DNM3: variants seen among roughly 807,000 people sequenced by gnomAD.
DNM3 encodes dynamin 3.
A neutral mutation model predicts 101.6 loss-of-function variants in DNM3; 47 were observed. The ratio of observed to expected loss-of-function variants is 0.46; its 90% CI spans 0.37 to 0.59. DNM3 has a LOEUF of 0.59. DNM3 is among the 20% of genes least tolerant of loss of function. The probability of loss-of-function intolerance (pLI) is 0.00; values close to 1 mark genes in which losing one functional copy is unlikely to be tolerated. For synonymous variants in DNM3, 385 were observed against 387.9 expected (o/e 0.99, Z 0.09); for missense variants, 849 against 1,085.7 (o/e 0.78, Z 3.06).
intron 1 of DNM3, among the ~76,000 whole-genome samples, chr1:171,901,104 C>A (rs1201030119): frequency 1.3e-5 from 1 of 78,990 alleles, no homozygotes; most frequent in Non-Finnish European, 2.4e-5. Context: ...CAGAGCGAGA[C>A]TCTGTCTCAA....
chr1:172,081,283 A>G (rs1007798529), intron 11 of DNM3, among the ~76,000 whole-genome samples: 17 of 152,120 alleles, frequency 1.1e-4, no homozygotes, highest in African/African-American at 3.1e-4. Flanking sequence ...TTTGGATTCA[A>G]TGATTTATTT....
At chr1:172,238,943 G>A (rs530159835) in intron 14 of DNM3, among the ~76,000 whole-genome samples, 28 of 152,230 alleles carry the variant, frequency 1.8e-4, no homozygotes, top group African/African-American at 5.8e-4. Flanking sequence ...CTCTAATTGC[G>A]GAATTTTCAA....
chr1:172,134,423 A>G (rs1161788655), intron 14 of DNM3, among the ~76,000 whole-genome samples: 1 of 152,158 alleles, frequency 6.6e-6, no homozygotes, highest in African/African-American at 2.4e-5. Context: ...ATAGTTATTG[A>G]GTATTTATAG....
At chr1:172,120,413 A>G (rs906822971) in intron 13 of DNM3, among the ~76,000 whole-genome samples, 1 of 152,164 alleles carries the variant, frequency 6.6e-6, no homozygotes, top group Non-Finnish European at 1.5e-5. Flanking sequence ...ACAATTCAAG[A>G]TGAAATTTGC....
intron 14 of DNM3, among the ~76,000 whole-genome samples, chr1:172,218,125 C>G (rs554506542): frequency 5.9e-4 from 89 of 152,012 alleles, no homozygotes; most frequent in Non-Finnish European, 6.3e-4. Flanking sequence ...TAATTCTATT[C>G]TCTAGACATA....
At chr1:172,041,077 T>C (rs1178860423) in intron 7 of DNM3, among the ~76,000 whole-genome samples, 1 of 152,092 alleles carries the variant, frequency 6.6e-6, no homozygotes, top group East Asian at 1.9e-4. Context: ...CACAAATCTA[T>C]GTTATTCTGA....
intron 13 of DNM3, among the ~76,000 whole-genome samples, chr1:172,110,195 A>G (rs1225427071): frequency 6.6e-6 from 1 of 152,208 alleles, no homozygotes; most frequent in Admixed American, 6.5e-5. Flanking sequence ...TCAATAGCTC[A>G]GGCTCTTTCT....
At chr1:172,046,701 C>T (rs745329036) in intron 9 of DNM3, among the ~76,000 whole-genome samples, 1 of 152,088 alleles carries the variant, frequency 6.6e-6, no homozygotes, top group African/African-American at 2.4e-5. Flanking sequence ...CTTTTACCAT[C>T]GATAGGATTT....
At chr1:172,239,644 TGGGGCCACCTG>T (rs2061669143) in intron 14 of DNM3, among the ~76,000 whole-genome samples, 1 of 152,108 alleles carries the variant, frequency 6.6e-6, no homozygotes, top group Non-Finnish European at 1.5e-5. Context: ...TGAGGATAGA[TGGGGCCACCTG>T]AGCATGCAGT....
chr1:172,131,054 G>C, intron 13 of DNM3, 121 bp from the exon 14 acceptor site: 1 of 826,348 alleles, frequency 1.2e-6, no homozygotes, highest in East Asian at 2.7e-5. Context: ...GTTGAGTTTG[G>C]AGGGAAAATA....
In DNM3 at chr1:172,409,917, T is replaced by G. The variant is rs1195052625; in HGVS notation, c.*2076T>G. The G allele has an allele frequency of 1.0e-6, 1 of 985,614 alleles. No homozygotes were observed. Among genetic ancestry groups the G allele is most frequent in the Admixed American group, 6.2e-5 (1 of 16,242 alleles). 61.1% of individuals were successfully genotyped at this position (985,614 alleles called of 1,614,324 possible). On this transcript the variant is annotated 3_prime_UTR_variant, in exon 21 of 21. Coordinates refer to ENST00000627582, the MANE Select transcript of DNM3 (RefSeq NM_015569.5). ...GAATAACCACTGGTGTGTTCTTAGA[T>G]CAGCACAAACCATGTCAAAAAAAAT... is the stretch of plus-strand genomic sequence containing the variant.
At chr1:172,080,095 G>A (rs1430948453) in intron 11 of DNM3, among the ~76,000 whole-genome samples, 2 of 152,088 alleles carry the variant, frequency 1.3e-5, no homozygotes, top group East Asian at 3.9e-4. Context: ...CAGGAGGCAC[G>A]GAAGTCAGGG....
chr1:171,984,647 G>T (rs2045108173), intron 2 of DNM3, among the ~76,000 whole-genome samples: 1 of 152,044 alleles, frequency 6.6e-6, no homozygotes, highest in Non-Finnish European at 1.5e-5. Flanking sequence ...TTTCTCCATA[G>T]CACTTAGCAT....
At chr1:172,024,871 T>G (rs2048090035) in intron 4 of DNM3, among the ~76,000 whole-genome samples, 1 of 152,080 alleles carries the variant, frequency 6.6e-6, no homozygotes, top group Admixed American at 6.6e-5. Flanking sequence ...CAAAACTGGG[T>G]GGCTGTTTGG....
At chr1:172,149,460 G>A (rs533707219) in intron 14 of DNM3, among the ~76,000 whole-genome samples, 58 of 152,262 alleles carry the variant, frequency 3.8e-4, no homozygotes, top group African/African-American at 1.3e-3. Flanking sequence ...TTTAGGGGAA[G>A]GCAAGTTAAA....
chr1:172,133,484 C>T (rs1174398327), intron 14 of DNM3: 2 of 931,424 alleles, frequency 2.1e-6, no homozygotes, highest in African/African-American at 3.6e-5. Flanking sequence ...TGGAAATGAC[C>T]CTTGAAATAA....
intron 14 of DNM3, among the ~76,000 whole-genome samples, chr1:172,186,548 G>A (rs11804505): frequency 0.066 from 10,002 of 152,110 alleles, 382 homozygotes; most frequent in Middle Eastern, 0.12. Context: ...CATGGATTTA[G>A]AGCAAAGTTT....
At chr1:172,061,704 G>C (rs1364863233) in intron 10 of DNM3, among the ~76,000 whole-genome samples, 2 of 118,174 alleles carry the variant, frequency 1.7e-5, no homozygotes, top group Non-Finnish European at 1.7e-5. Flanking sequence ...GTGGTGGGGT[G>C]GGGGGAGGGG....
At chr1:172,244,246 T>A (rs887200933) in intron 14 of DNM3, among the ~76,000 whole-genome samples, 1 of 152,048 alleles carries the variant, frequency 6.6e-6, no homozygotes, top group African/African-American at 2.4e-5. Context: ...GTGCCACATT[T>A]TCTTAATCCA....
Sources: gnomAD v4.1 joint callset for allele counts (sites outside exome capture counted in the v4.1 genomes callset) on GRCh38, gnomAD v4.1.1 for gene constraint, MANE v1.5 for transcripts, NCBI Gene and HGNC (gene_info 2026-07-23, HGNC 2026-07-21) for gene names.